Variants in GBP2 observed in about 807,000 individuals in gnomAD.
GBP2 encodes the protein guanylate-binding protein 2.
Under a neutral mutation model 60.8 loss-of-function variants are expected in GBP2, and 54 were observed. The observed-to-expected ratio is 0.89, with a 90% CI of 0.71 to 1.11. The LOEUF (loss-of-function observed/expected upper bound fraction) is 1.11, where lower values mean the gene tolerates loss of function less well. Ranked by LOEUF, GBP2 falls within the 50% of genes most tolerant of loss-of-function variation. GBP2 has a pLI of 0.00. For missense variants in GBP2, 665 were observed against 703.3 expected, an observed-to-expected ratio of 0.95 and a Z score of 0.62; for synonymous variants, 243 against 256.5, an observed-to-expected ratio of 0.95 and a Z score of 0.50.
rs1256661970 is a variant in GBP2 at position 89,121,846 on chromosome 1, C to A, written c.121G>T (p.Val41Leu). ...GTGCGATAGAGGCCCACAATCGCCA[C>A]CACCACCACAGGCTGCGTAATTGCA... ...LSAITQPVVV[V>L]AIVGLYRTGK... Residue 41 changes from valine to leucine, a missense_variant, in exon 2 of 11, where the codon GTG becomes TTG. Physicochemically the swap from Val to Leu is conservative, Grantham distance 32. Coordinates refer to ENST00000370466, the MANE Select transcript of GBP2 (RefSeq NM_004120.5). 6.2e-7 allele frequency: 1 copy of A among 1,614,102 alleles called. No homozygotes were observed. Among genetic ancestry groups the A allele is most frequent in the Non-Finnish European group, 8.5e-7 (1 of 1,180,002 alleles).
chr1:89,110,041 T>C, intron 9 of GBP2, 123 bp downstream of exon 9: 1 of 945,970 alleles, frequency 1.1e-6, no homozygotes, highest in Non-Finnish European at 1.6e-6. Flanking sequence ...AAGAAAACTC[T>C]CATAGAACTA....
chr1:89,117,601 C>T lies in GBP2; in HGVS notation c.601G>A (p.Glu201Lys), dbSNP rs1402255824. 1 of 1,613,954 alleles carries T rather than the reference C, an allele frequency of 6.2e-7. No individual in the cohort carries two copies. The highest frequency in any genetic ancestry group is 8.5e-7 in the Non-Finnish European group (1 of 1,179,928). Residue 201 changes from glutamate (E) to lysine (K), a missense_variant, in exon 5 of 11, where the codon GAG becomes AAG. Coordinates refer to ENST00000370466, the MANE Select transcript of GBP2 (RefSeq NM_004120.5). The part of the protein sequence containing the change: ...GEPITADDYL[E>K]LSLKLRKGTD... ...CCTTTTCTTAGCTTTAGCGAAAGCT[C>T]CAAGTAGTCATCAGCAGTGATGGGT...
chr1:89,111,809 A>G (rs7556532), intron 8 of GBP2, among the ~76,000 whole-genome samples: 7,771 of 152,270 alleles, frequency 0.051, 653 homozygotes, highest in African/African-American at 0.18. Flanking sequence ...GTGTAATTGG[A>G]TTGTTTGTAA....
chr1:89,116,812 AGAT>A (rs1227875738), intron 6 of GBP2, among the ~76,000 whole-genome samples, 177 bp downstream of exon 6: 2 of 152,076 alleles, frequency 1.3e-5, no homozygotes, highest in African/African-American at 2.4e-5. Context: ...AAGGAATATG[AGAT>A]GATACTATAG....
Position 89,112,601 on chromosome 1 carries a change from A to G in GBP2, c.1233T>C (p.Asp411=). ...CATCTTCTTCTAAAGGGCCAAATAT[A>G]TCCTGAAGTAAAGCCATGCAACAAT... ...SSDCCMALLQ[D]IFGPLEEDVK... is the part of the protein sequence containing the mutation. Residue 411 remains aspartate, a synonymous_variant, in exon 8 of 11, where the codon GAT becomes GAC. Coordinates refer to ENST00000370466, the MANE Select transcript of GBP2 (RefSeq NM_004120.5). The G allele has an allele frequency of 6.2e-7, 1 of 1,614,160 alleles. No homozygotes were observed. Among genetic ancestry groups the G allele is most frequent in the South Asian group, 1.1e-5 (1 of 91,086 alleles).
chr1:89,122,600 A>G (rs780346286), intron 1 of GBP2, among the ~76,000 whole-genome samples: 14 of 152,068 alleles, frequency 9.2e-5, no homozygotes, highest in Non-Finnish European at 1.6e-4. Context: ...AGTGTCTTGT[A>G]TTAAGGGATT....
rs184589470 is a variant in GBP2 at position 89,117,824 on chromosome 1, A to G, written c.429-51T>C. On this transcript the variant is annotated intron_variant, in intron 4 of 10. Transcript: ENST00000370466. ...CAGAAAATGCCACTCTTTATACTACATTTTATCCTAATGCTTACCTAAAAT... is the reference window on the plus strand; with the variant it reads ...CAGAAAATGCCACTCTTTATACTACGTTTTATCCTAATGCTTACCTAAAAT... 4.3e-6 allele frequency: 6 copies of G among 1,392,948 alleles called. No individual in the cohort carries two copies. In the East Asian group the frequency reaches 1.4e-4, roughly 33 times the overall value. 86.3% of individuals were successfully genotyped at this position (1,392,948 alleles called of 1,614,324 possible).
intron 6 of GBP2, among the ~76,000 whole-genome samples, chr1:89,114,538 G>T (rs972470054): frequency 6.6e-6 from 1 of 152,154 alleles, no homozygotes; most frequent in Non-Finnish European, 1.5e-5. Flanking sequence ...GAGATACTAG[G>T]TCAATGTGTT....
chr1:89,117,892 A>G (rs1681312972), intron 4 of GBP2, 119 bp from the exon 5 acceptor site: 2 of 781,956 alleles, frequency 2.6e-6, no homozygotes, highest in Admixed American at 3.0e-5. Context: ...ATTCACAAAC[A>G]TTTATTTACA....
chr1:89,108,189 A>G lies in GBP2; in HGVS notation c.1762T>C (p.Cys588Arg). The change falls in exon 11 of 11, where the codon TGT becomes CGT. Residue 588 changes from cysteine (C) to arginine (R), a missense_variant. Cys to Arg is a radical substitution (Grantham distance 180, BLOSUM62 -3). Coordinates refer to ENST00000370466, the MANE Select transcript of GBP2 (RefSeq NM_004120.5). ...QMRSKSLEPI[C>R]NIL is the part of the protein sequence containing the mutation. ...TCCTTGGACTTTTAGAGTATGTTACATATTGGCTCCAATGATTTGCTTCTC... is the reference window on the plus strand; with the variant it reads ...TCCTTGGACTTTTAGAGTATGTTACGTATTGGCTCCAATGATTTGCTTCTC... 1 of 1,607,430 alleles carries G rather than the reference A, an allele frequency of 6.2e-7. No individual in the cohort carries two copies. The highest frequency in any genetic ancestry group is 8.5e-7 in the Non-Finnish European group (1 of 1,174,702).
In GBP2 at chr1:89,122,000, A is replaced by G. The variant is rs747955912; in HGVS notation, c.-17-17T>C. 1 of 1,551,016 alleles carries G rather than the reference A, an allele frequency of 6.4e-7. No homozygotes were observed. Among genetic ancestry groups the G allele is most frequent in the Admixed American group, 1.9e-5 (1 of 51,900 alleles). On this transcript the variant is annotated splice_polypyrimidine_tract_variant and intron_variant, in intron 1 of 10. Coordinates refer to ENST00000370466, the MANE Select transcript of GBP2 (RefSeq NM_004120.5). ...TGTTGTTCCCTTGTGTGCAAGGAAA[A>G]AGATGAAATGGAAAGCAGTTTTTAG...
intron 4 of GBP2, chr1:89,118,843 T>C (rs1414013041): frequency 6.6e-6 from 1 of 152,252 alleles, no homozygotes; most frequent in Admixed American, 6.5e-5. Flanking sequence ...GGGAATTTAT[T>C]GTGATTAGAA....
At chr1:89,122,551 T>A (rs1377006830) in intron 1 of GBP2, among the ~76,000 whole-genome samples, 1 of 152,202 alleles carries the variant, frequency 6.6e-6, no homozygotes, top group African/African-American at 2.4e-5. Context: ...TATACATTTT[T>A]TTTTGCAAAT....
Position 89,109,806 on chromosome 1 carries a change from C to G in GBP2, c.1530G>C (p.Lys510Asn). ...AKKMLEEIQK[K>N]NEEMMEQKEK... ...CTTTCTGTTCCATCATCTCCTCATT[C>G]TTCTTTTGTATTTCCTCCAACATTT... is the stretch of plus-strand genomic sequence containing the variant. The change falls in exon 10 of 11, where the codon AAG becomes AAC. Residue 510 changes from lysine to asparagine, a missense_variant. Transcript: ENST00000370466. The G allele has an allele frequency of 5.0e-6, 8 of 1,613,982 alleles. No individual in the cohort carries two copies. Among genetic ancestry groups the G allele is most frequent in the Non-Finnish European group, 6.8e-6 (8 of 1,179,924 alleles).
At position 89,117,016 on chromosome 1, in the gene GBP2, C is replaced by A; in HGVS notation, c.844G>T (p.Gly282Cys). ...LSHSNVKTLS[G>C]GIPVNGPRLE... ...CGAGGCCCATTGACTGGAATGCCAC[C>A]TGAAAGAGTCTTGACATTGGAATGG... is the stretch of plus-strand genomic sequence containing the variant. Residue 282 changes from glycine to cysteine, a missense_variant, in exon 6 of 11, where the codon GGT (glycine) becomes TGT (cysteine). Transcript: ENST00000370466. 1 of 1,613,926 alleles carries A rather than the reference C, an allele frequency of 6.2e-7. No individual in the cohort carries two copies. Among genetic ancestry groups the A allele is most frequent in the South Asian group, 1.1e-5 (1 of 91,068 alleles).
Position 89,121,985 on chromosome 1 carries a change from T to C in GBP2, c.-17-2A>G, listed in dbSNP as rs1239545259. 1.3e-6 allele frequency: 2 copies of C among 1,582,238 alleles called. No homozygotes were observed. The highest frequency in any genetic ancestry group is 1.4e-5 in the African/African-American group (1 of 73,616). ...GAGCCATGTCCAGGGTGTTGTTCCC[T>C]TGTGTGCAAGGAAAAAGATGAAATG... On this transcript the variant is annotated splice_acceptor_variant, in intron 1 of 10. Transcript: ENST00000370466. LOFTEE classifies it low-confidence loss of function (5UTR_SPLICE).
chr1:89,114,444 C>A (rs1236770813), intron 6 of GBP2, 148 bp from the exon 7 acceptor site: 2 of 1,000,894 alleles, frequency 2.0e-6, no homozygotes, highest in East Asian at 2.6e-5. Context: ...CCTCTAATCA[C>A]AGAGGAAATT....
At position 89,117,003 on chromosome 1, in the gene GBP2, A is replaced by T. The variant is rs142698251; in HGVS notation, c.857T>A (p.Val286Asp). ...NVKTLSGGIP[V>D]NGPRLESLVL... ...AGAGAGTGACTCACGAGGCCCATTG[A>T]CTGGAATGCCACCTGAAAGAGTCTT... The change falls in exon 6 of 11, where the codon GTC becomes GAC. Residue 286 changes from valine to aspartate, a missense_variant. Transcript: ENST00000370466. 4 of 1,613,844 alleles carry T rather than the reference A, an allele frequency of 2.5e-6. No homozygotes were observed. The African/African-American group carries it at 5.3e-5, about 22-fold the overall frequency.
chr1:89,113,006 C>T (rs901763181), intron 7 of GBP2: 4 of 322,308 alleles, frequency 1.2e-5, no homozygotes, highest in Non-Finnish European at 2.4e-5. Context: ...TGAGCACAAA[C>T]ACTGGAGTCA....
Sources: gnomAD v4.1 joint callset for allele counts (sites outside exome capture counted in the v4.1 genomes callset) on GRCh38, gnomAD v4.1.1 for gene constraint, MANE v1.5 for transcripts, NCBI Gene and HGNC (gene_info 2026-07-23, HGNC 2026-07-21) for gene names.